Variants in GYG2 observed in about 807,000 individuals in gnomAD.
The protein encoded by GYG2 is glycogenin-2.
A neutral mutation model predicts 29.4 loss-of-function variants in GYG2; 29 were observed. The ratio of observed to expected loss-of-function variants is 0.99; its 90% CI spans 0.74 to 1.35. GYG2 has a LOEUF of 1.35. Ranked by LOEUF, GYG2 falls within the 40% of genes most tolerant of loss-of-function variation. The pLI, the probability that GYG2 is intolerant of heterozygous loss-of-function variation, is 0.00. For synonymous variants in GYG2, 167 were observed against 172.3 expected (o/e 0.97, Z 0.24); for missense variants, 370 against 385.7 (o/e 0.96, Z 0.34).
chrX:2,843,060 A>G, intron 2 of GYG2, 153 bp from the exon 3 acceptor site: 1 of 532,420 alleles, frequency 1.9e-6, no homozygotes, highest in Non-Finnish European at 3.4e-6. Flanking sequence ...CAATTCACCC[A>G]CCTCAGCCTC....
At chrX:2,879,390 C>T (rs2088668508) in intron 10 of GYG2, among the ~76,000 whole-genome samples, 1 of 108,852 alleles carries the variant, frequency 9.2e-6, no homozygotes, top group African/African-American at 3.4e-5. Context: ...GACTCAGCCT[C>T]CCGGGTAGCT....
chrX:2,878,132 T>C, intron 10 of GYG2: 2 of 745,391 alleles, frequency 2.7e-6, no homozygotes, highest in Non-Finnish European at 3.2e-6. Context: ...TCCATCCTTG[T>C]GGTCATCATT....
intron 3 of GYG2, among the ~76,000 whole-genome samples, chrX:2,845,642 TAC>T (rs1224104995): frequency 1.5e-4 from 16 of 106,916 alleles, no homozygotes; most frequent in Non-Finnish European, 2.5e-4. Flanking sequence ...TACATTTATA[TAC>T]GCATGTGTAT....
intron 8 of GYG2, among the ~76,000 whole-genome samples, chrX:2,864,821 G>A (rs1038299963): frequency 2.8e-5 from 3 of 107,973 alleles, no homozygotes. Flanking sequence ...GTGCAATGGC[G>A]CGATCTCAGC....
At chrX:2,873,825 C>T (rs1349865769) in intron 8 of GYG2, among the ~76,000 whole-genome samples, 3 of 111,502 alleles carry the variant, frequency 2.7e-5, no homozygotes, top group Non-Finnish European at 5.6e-5. Context: ...GGCATGGTGA[C>T]TCACCTGTAA....
rs145968812 is a variant in GYG2, at chrX:2,869,384, A to G, written c.1039-6426A>G. 1.0e-3 allele frequency among the ~76,000 whole-genome samples: 113 copies of G among 110,868 alleles called. 1 individual carries two copies. In the East Asian group the frequency reaches 0.03, roughly 29 times the overall value. ...AGGTCCTGGAACCAATCCTCCATGG[A>G]TATCAGGAGAAATTCCATTTCATTA... On this transcript the variant is annotated intron_variant, in intron 8 of 10. Coordinates refer to ENST00000398806, the MANE Select transcript of GYG2 (RefSeq NM_001079855.2).
Position 2,882,595 on chromosome X carries a change from AT to A in GYG2, c.*1385del, listed in dbSNP as rs2088739816. ...TCTCGGAGGGCGAGGCTCGTAGGAT[AT>A]TTCAGGTGAGTCAGGGTTGGATGGT... On this transcript the variant is annotated 3_prime_UTR_variant, in exon 11 of 11. Coordinates refer to ENST00000398806, the MANE Select transcript of GYG2 (RefSeq NM_001079855.2). 1 of 109,368 alleles carries A rather than the reference AT, an allele frequency of 9.1e-6. No individual in the cohort carries two copies. The highest frequency in any genetic ancestry group is 1.9e-5 in the Non-Finnish European group (1 of 52,504). 9.0% of individuals were successfully genotyped at this position (109,368 alleles called of 1,213,427 possible).
intron 8 of GYG2, among the ~76,000 whole-genome samples, chrX:2,868,963 T>C (rs939733069): frequency 1.8e-5 from 2 of 110,774 alleles, no homozygotes; most frequent in African/African-American, 6.6e-5. Context: ...TTGAGCTGTT[T>C]TGTATACTAG....
At chrX:2,844,851 T>G (rs2087626412) in intron 3 of GYG2, among the ~76,000 whole-genome samples, 1 of 108,272 alleles carries the variant, frequency 9.2e-6, no homozygotes. Context: ...TATGTGTATA[T>G]ATTTATATGT....
chrX:2,856,718 A>T, intron 6 of GYG2, 94 bp downstream of exon 6: 2 of 587,256 alleles, frequency 3.4e-6, no homozygotes, highest in South Asian at 3.1e-5. Flanking sequence ...ATATTTAAAA[A>T]CTCTATCTAT....
At chrX:2,856,684 C>T in intron 6 of GYG2, 60 bp downstream of exon 6, 1 of 1,002,363 alleles carries the variant, frequency 1.0e-6, no homozygotes, top group Non-Finnish European at 1.4e-6. Flanking sequence ...ACCTTCCCTC[C>T]TGGAAGACAT....
intron 8 of GYG2, among the ~76,000 whole-genome samples, chrX:2,865,498 T>C (rs1220686525): frequency 9.0e-6 from 1 of 111,600 alleles, no homozygotes; most frequent in African/African-American, 3.3e-5. Context: ...ACAATAGATA[T>C]GTAGCTTCGT....
chrX:2,855,305 A>G lies in GYG2; in HGVS notation c.487+150A>G, dbSNP rs768514116. On this transcript the variant is annotated intron_variant, in intron 5 of 10. Coordinates refer to ENST00000398806, the MANE Select transcript of GYG2 (RefSeq NM_001079855.2). ...AAATGTGTTGTTAAGTGATTTTGTC[A>G]TTGTATGAACGTCCCAGAGTGTATC... 5.6e-4 allele frequency: 280 copies of G among 500,010 alleles called. No individual in the cohort carries two copies. The South Asian group carries it at 8.4e-3, about 15-fold the overall frequency. The allele number at this position is 500,010 out of a possible 1,213,427, so 41.2% of individuals were successfully genotyped here.
intron 10 of GYG2, among the ~76,000 whole-genome samples, chrX:2,880,184 G>A (rs1444295852): frequency 9.0e-6 from 1 of 111,371 alleles, no homozygotes; most frequent in African/African-American, 3.3e-5. Context: ...GTGTGTGTGT[G>A]TGTGTGTTGT....
At chrX:2,843,018 G>T (rs1223577538) in intron 2 of GYG2, 195 bp from the exon 3 acceptor site, 1 of 495,847 alleles carries the variant, frequency 2.0e-6, no homozygotes, top group Non-Finnish European at 3.6e-6. Context: ...TCACCATGGT[G>T]CCCAGGCTGG....
rs2088675123 is a variant in GYG2 at position 2,879,674 on chromosome X, G to T, written c.1252-1378G>T. Among the ~76,000 whole-genome samples, 3 of 112,445 alleles carry T rather than the reference G, an allele frequency of 2.7e-5. No homozygotes were observed. The Admixed American group carries it at 2.8e-4, about 11-fold the overall frequency. On this transcript the variant is annotated intron_variant, in intron 10 of 10. Transcript: ENST00000398806. ...TAAAACATAGGTAGTAGATAGAGATGATAGATAAATGAATGATAGAGTGAT... is the reference window on the plus strand; with the variant it reads ...TAAAACATAGGTAGTAGATAGAGATTATAGATAAATGAATGATAGAGTGAT...
Position 2,880,686 on chromosome X carries a change from T to C in GYG2, c.1252-366T>C, listed in dbSNP as rs138638741. Among the ~76,000 whole-genome samples, 389 of 111,316 alleles carry C rather than the reference T, an allele frequency of 3.5e-3. 2 individuals carry two copies. Among genetic ancestry groups the C allele is most frequent in the African/African-American group, 0.012 (377 of 30,636 alleles). ...TCACTGGGAGGCCAAGGCAAGAGGA[T>C]TGCTTGAGCCCGGGAATTCAAGACC... On this transcript the variant is annotated intron_variant, in intron 10 of 10. Transcript: ENST00000398806.
Position 2,855,156 on chromosome X carries a change from G to C in GYG2, c.487+1G>C, listed in dbSNP as rs1304764875. The C allele has an allele frequency of 8.3e-7, 1 of 1,205,879 alleles. No homozygotes were observed. The highest frequency in any genetic ancestry group is 1.1e-6 in the Non-Finnish European group (1 of 891,876). On this transcript the variant is annotated splice_donor_variant, in intron 5 of 10. Coordinates refer to ENST00000398806, the MANE Select transcript of GYG2 (RefSeq NM_001079855.2). LOFTEE classifies it high-confidence loss of function. ...GCCATGGAACACGGCAGCTTTGACG[G>C]TAAGTCAGGGCAGCCCGGACGCTTA...
At chrX:2,874,459 G>C (rs1255781517) in intron 8 of GYG2, among the ~76,000 whole-genome samples, 1 of 112,257 alleles carries the variant, frequency 8.9e-6, no homozygotes, top group Non-Finnish European at 1.9e-5. Context: ...GACCAGGTGA[G>C]GTCTCTTGAT....
Sources: allele counts gnomAD v4.1 joint callset (sites outside exome capture counted in the v4.1 genomes callset), GRCh38; gene constraint gnomAD v4.1.1; transcripts MANE v1.5; gene names NCBI Gene and HGNC (gene_info 2026-07-23, HGNC 2026-07-21).